Variants in OR5M10 observed in about 807,000 individuals in gnomAD.
The protein encoded by OR5M10 is olfactory receptor family 5 subfamily M member 10, also known as olfactory receptor 5M10.
For missense variants in OR5M10, 387 were observed against 376.4 expected, an observed-to-expected ratio of 1.03 and a Z score of -0.23; for synonymous variants, 149 against 144.8, an observed-to-expected ratio of 1.03 and a Z score of -0.21.
In OR5M10 at chr11:56,577,304, T is replaced by C. The variant is rs770805935; in HGVS notation, c.418A>G (p.Ile140Val). The change falls in exon 1 of 1, where the codon ATT (isoleucine) becomes GTT (valine). Residue 140 changes from isoleucine (I) to valine (V), a missense_variant. By Grantham distance (29) the Ile-to-Val change is conservative (BLOSUM62 3). Coordinates refer to ENST00000526538, the MANE Select transcript of OR5M10 (RefSeq NM_001004741.1). ...LHYSSRMSKN[I>V]CISLVTVPYM... is the part of the protein sequence containing the mutation. ...GGCACAGTGACCAGAGAGATGCAAA[T>C]GTTCTTGGACATCCTGGAACTGTAA... 2.4e-5 allele frequency: 39 copies of C among 1,613,682 alleles called. No homozygotes were observed. Among genetic ancestry groups the C allele is most frequent in the Non-Finnish European group, 3.1e-5 (37 of 1,179,876 alleles).
rs200756330 is a variant in OR5M10 at position 56,577,450 on chromosome 11, G to T, written c.272C>A (p.Thr91Asn). 5.4e-4 allele frequency: 864 copies of T among 1,613,794 alleles called. 6 individuals carry two copies. The South Asian group carries it at 7.9e-3, about 15-fold the overall frequency. The change falls in exon 1 of 1, where the codon ACC becomes AAC. Residue 91 changes from threonine to asparagine, a missense_variant. By Grantham distance (65) the Thr-to-Asn change is moderately conservative. Coordinates refer to ENST00000526538, the MANE Select transcript of OR5M10 (RefSeq NM_001004741.1). ...MLHNFLSEQK[T>N]ISYAGCFTQC... ...TGTGAAGCATCCAGCGTAGGAGATG[G>T]TCTTCTGTTCTGAGAGGAAATTGTG...
In OR5M10 at chr11:56,576,879, C is replaced by T. The variant is rs1565171371; in HGVS notation, c.843G>A (p.Leu281=). ...SKIIAVFYTF[L]SPMLNPLIYS... The stretch of plus-strand genomic sequence containing the variant: ...AGATCAATGGGTTCAGCATTGGGCT[C>T]AAAAAAGTATAAAAGACTGCAATTA... Residue 281 remains leucine, a synonymous_variant, in exon 1 of 1, where the codon TTG becomes TTA. Transcript: ENST00000526538. 6.2e-7 allele frequency: 1 copy of T among 1,613,774 alleles called. No homozygotes were observed. The highest frequency in any genetic ancestry group is 8.5e-7 in the Non-Finnish European group (1 of 1,179,880).
In OR5M10 at chr11:56,577,323, A is replaced by T. The variant is rs1418178298; in HGVS notation, c.399T>A (p.Ser133Arg). The T allele has an allele frequency of 1.2e-6, 2 of 1,613,750 alleles. No homozygotes were observed. Among genetic ancestry groups the T allele is most frequent in the Non-Finnish European group, 1.7e-6 (2 of 1,179,882 alleles). The stretch of plus-strand genomic sequence containing the variant: ...TGCAAATGTTCTTGGACATCCTGGA[A>T]CTGTAATGTAAAGGGCTGCAAATGG... ...YVAICSPLHY[S>R]SRMSKNICIS... The change falls in exon 1 of 1, where the codon AGT (serine) becomes AGA (arginine). Residue 133 changes from serine to arginine, a missense_variant. Transcript: ENST00000526538.
rs1414043331 is a variant in OR5M10, at chr11:56,577,463, A to C, written c.259T>G (p.Ser87Ala). 6.2e-7 allele frequency: 1 copy of C among 1,613,748 alleles called. No homozygotes were observed. The highest frequency in any genetic ancestry group is 8.5e-7 in the Non-Finnish European group (1 of 1,179,770). ...VTPNMLHNFL[S>A]EQKTISYAGC... Reference sequence around the variant, plus strand: ...GCGTAGGAGATGGTCTTCTGTTCTGAGAGGAAATTGTGCAGCATATTTGGA... The same window carrying C: ...GCGTAGGAGATGGTCTTCTGTTCTGCGAGGAAATTGTGCAGCATATTTGGA... Residue 87 changes from serine (S) to alanine (A), a missense_variant, in exon 1 of 1, where the codon TCA becomes GCA. Transcript: ENST00000526538.
chr11:56,577,656 C>A lies in OR5M10; in HGVS notation c.66G>T (p.Val22=), dbSNP rs1456772221. ...ACACCCCAAACAGGATCTTCTCTAG[C>A]ACTGGGTCGTCTGTCAGTCCTAAGA... is the stretch of plus-strand genomic sequence containing the variant. ...FILLGLTDDP[V]LEKILFGVFL... is the part of the protein sequence containing the mutation. Residue 22 remains valine (V), a synonymous_variant, in exon 1 of 1, where the codon GTG becomes GTT. Transcript: ENST00000526538. 6.2e-7 allele frequency: 1 copy of A among 1,613,654 alleles called. No individual in the cohort carries two copies.
chr11:56,577,660 G>C lies in OR5M10; in HGVS notation c.62C>G (p.Pro21Arg), dbSNP rs745969027. The C allele has an allele frequency of 7.4e-6, 12 of 1,613,648 alleles. No individual in the cohort carries two copies. Among genetic ancestry groups the C allele is most frequent in the Non-Finnish European group, 1.0e-5 (12 of 1,179,702 alleles). ...EFILLGLTDD[P>R]VLEKILFGVF... ...CCCAAACAGGATCTTCTCTAGCACT[G>C]GGTCGTCTGTCAGTCCTAAGAGAAT... Residue 21 changes from proline (P) to arginine (R), a missense_variant, in exon 1 of 1, where the codon CCA becomes CGA. Pro to Arg is a moderately radical substitution (Grantham distance 103). Coordinates refer to ENST00000526538, the MANE Select transcript of OR5M10 (RefSeq NM_001004741.1).
At position 56,577,351 on chromosome 11, in the gene OR5M10, A is replaced by C. The variant is rs986344158; in HGVS notation, c.371T>G (p.Val124Gly). Residue 124 changes from valine to glycine, a missense_variant, in exon 1 of 1, where the codon GTA becomes GGA. Val to Gly is a moderately radical substitution (Grantham distance 109). Transcript: ENST00000526538. ...GTAATGTAAAGGGCTGCAAATGGCT[A>C]CATAGCGATCCAATGCCATTGAAGC... ...FLASMALDRY[V>G]AICSPLHYSS... 1 of 1,613,310 alleles carries C rather than the reference A, an allele frequency of 6.2e-7. No homozygotes were observed. The highest frequency in any genetic ancestry group is 1.3e-5 in the African/African-American group (1 of 74,834).
Position 56,577,571 on chromosome 11 carries a change from T to G in OR5M10, c.151A>C (p.Thr51Pro). The G allele has an allele frequency of 6.2e-7, 1 of 1,613,678 alleles. No individual in the cohort carries two copies. The highest frequency in any genetic ancestry group is 8.5e-7 in the Non-Finnish European group (1 of 1,179,726). ...GNLCMILLIR[T>P]NSQLQTPMYF... ...ATGGGTGTTTGCAGTTGGGAATTGG[T>G]CCTGATCAGCAGGATCATGCACAGG... Residue 51 changes from threonine (T) to proline (P), a missense_variant, in exon 1 of 1, where the codon ACC (threonine) becomes CCC (proline). Physicochemically the swap from Thr to Pro is conservative, Grantham distance 38. Coordinates refer to ENST00000526538, the MANE Select transcript of OR5M10 (RefSeq NM_001004741.1).
chr11:56,576,820 A>G lies in OR5M10; in HGVS notation c.902T>C (p.Ile301Thr). The change falls in exon 1 of 1, where the codon ATA becomes ACA. Residue 301 changes from isoleucine to threonine, a missense_variant. Ile to Thr is a moderately conservative substitution (Grantham distance 89). Transcript: ENST00000526538. ...GGATTTTCCCCTAATCATTTGTTGT[A>G]TGGCAAGGATTACATCTCTGTTCCG... ...SLRNRDVILA[I>T]QQMIRGKSFC... The G allele has an allele frequency of 6.2e-7, 1 of 1,612,930 alleles. No homozygotes were observed. The highest frequency in any genetic ancestry group is 8.5e-7 in the Non-Finnish European group (1 of 1,179,644).
chr11:56,577,530 A>G lies in OR5M10; in HGVS notation c.192T>C (p.Gly64=), dbSNP rs145553253. 122 of 1,613,666 alleles carry G rather than the reference A, an allele frequency of 7.6e-5. No individual in the cohort carries two copies. Among genetic ancestry groups the G allele is most frequent in the African/African-American group, 4.5e-4 (34 of 74,924 alleles). Residue 64 remains glycine (G), a synonymous_variant, in exon 1 of 1, where the codon GGT becomes GGC. Transcript: ENST00000526538. ...QLQTPMYFFL[G]HLSFVDICYS... ...AGCAAATGTCTACAAAGGAGAGGTGACCAAGGAAGAAATACATGGGTGTTT... is the reference window on the plus strand; with the variant it reads ...AGCAAATGTCTACAAAGGAGAGGTGGCCAAGGAAGAAATACATGGGTGTTT...
rs1220819318 is a variant in OR5M10 at position 56,577,634 on chromosome 11, C to A, written c.88G>T (p.Val30Leu). ...DPVLEKILFG[V>L]FLAIYLITLA... ...GTGATTAGGTAGATCGCCAGGAACA[C>A]CCCAAACAGGATCTTCTCTAGCACT... Residue 30 changes from valine to leucine, a missense_variant, in exon 1 of 1, where the codon GTG becomes TTG. Transcript: ENST00000526538. The A allele has an allele frequency of 1.9e-6, 3 of 1,613,484 alleles. No individual in the cohort carries two copies. Among genetic ancestry groups the A allele is most frequent in the Non-Finnish European group, 2.5e-6 (3 of 1,179,710 alleles).
Position 56,577,362 on chromosome 11 carries a change from C to T in OR5M10, c.360G>A (p.Leu120=). ...GGCTGCAAATGGCTACATAGCGATCCAATGCCATTGAAGCAAGGAAGTAAA... is the reference window on the plus strand; with the variant it reads ...GGCTGCAAATGGCTACATAGCGATCTAATGCCATTGAAGCAAGGAAGTAAA... The part of the protein sequence containing the change: ...TEFYFLASMA[L]DRYVAICSPL... The change falls in exon 1 of 1, where the codon TTG becomes TTA. Residue 120 remains leucine, a synonymous_variant. Transcript: ENST00000526538. 1 of 1,612,830 alleles carries T rather than the reference C, an allele frequency of 6.2e-7. No homozygotes were observed. Among genetic ancestry groups the T allele is most frequent in the Non-Finnish European group, 8.5e-7 (1 of 1,179,274 alleles).
chr11:56,577,642 A>C lies in OR5M10; in HGVS notation c.80T>G (p.Leu27Arg), dbSNP rs892385439. The change falls in exon 1 of 1, where the codon CTG becomes CGG. Residue 27 changes from leucine (L) to arginine (R), a missense_variant. By Grantham distance (102) the Leu-to-Arg change is moderately radical (BLOSUM62 -2). Coordinates refer to ENST00000526538, the MANE Select transcript of OR5M10 (RefSeq NM_001004741.1). ...LTDDPVLEKI[L>R]FGVFLAIYLI... Reference sequence around the variant, plus strand: ...GTAGATCGCCAGGAACACCCCAAACAGGATCTTCTCTAGCACTGGGTCGTC... The same window carrying C: ...GTAGATCGCCAGGAACACCCCAAACCGGATCTTCTCTAGCACTGGGTCGTC... 1 of 1,613,678 alleles carries C rather than the reference A, an allele frequency of 6.2e-7. No individual in the cohort carries two copies. The highest frequency in any genetic ancestry group is 1.7e-4 in the Middle Eastern group (1 of 6,056).
In OR5M10 at chr11:56,577,275, G is replaced by C. The variant is rs201909957; in HGVS notation, c.447C>G (p.Tyr149Ter). The stretch of plus-strand genomic sequence containing the variant: ...AGAGCCCATTAAGGAAGCCATACAT[G>C]TAAGGCACAGTGACCAGAGAGATGC... Reference protein sequence around the residue: ...NICISLVTVPYMYGFLNGLSQ... With the variant: ...NICISLVTVP Residue 149 changes from tyrosine (Y) to a stop codon, truncating the protein, a stop_gained, in exon 1 of 1, where the codon TAC becomes TAG. Transcript: ENST00000526538. LOFTEE classifies it low-confidence loss of function (END_TRUNC). 1.2e-5 allele frequency: 20 copies of C among 1,613,770 alleles called. No individual in the cohort carries two copies. The highest frequency in any genetic ancestry group is 1.7e-5 in the Non-Finnish European group (20 of 1,179,886).
chr11:56,577,643 G>A lies in OR5M10; in HGVS notation c.79C>T (p.Leu27=), dbSNP rs1853274221. ...LTDDPVLEKI[L]FGVFLAIYLI... The stretch of plus-strand genomic sequence containing the variant: ...TAGATCGCCAGGAACACCCCAAACA[G>A]GATCTTCTCTAGCACTGGGTCGTCT... The change falls in exon 1 of 1, where the codon CTG becomes TTG. Residue 27 remains leucine (L), a synonymous_variant. Transcript: ENST00000526538. The A allele has an allele frequency of 1.2e-6, 2 of 1,613,518 alleles. No homozygotes were observed. The highest frequency in any genetic ancestry group is 1.7e-6 in the Non-Finnish European group (2 of 1,179,724).
chr11:56,577,145 G>T lies in OR5M10; in HGVS notation c.577C>A (p.Arg193Ser). The change falls in exon 1 of 1, where the codon CGT (arginine) becomes AGT (serine). Residue 193 changes from arginine (R) to serine (S), a missense_variant. Arg to Ser is a moderately radical substitution (Grantham distance 110). Coordinates refer to ENST00000526538, the MANE Select transcript of OR5M10 (RefSeq NM_001004741.1). The stretch of plus-strand genomic sequence containing the variant: ...ACAAACATTGCCATCTTTTTGACAC[G>T]GGTGTCAGAGCAGGCCAGCATGATA... ...PLIMLACSDT[R>S]VKKMAMFVVA... The T allele has an allele frequency of 6.2e-7, 1 of 1,613,758 alleles. No individual in the cohort carries two copies. Among genetic ancestry groups the T allele is most frequent in the Non-Finnish European group, 8.5e-7 (1 of 1,179,830 alleles).
At position 56,577,287 on chromosome 11, in the gene OR5M10, G is replaced by A. The variant is rs751618264; in HGVS notation, c.435C>T (p.Val145=). 3.1e-6 allele frequency: 5 copies of A among 1,613,900 alleles called. No homozygotes were observed. Among genetic ancestry groups the A allele is most frequent in the Non-Finnish European group, 4.2e-6 (5 of 1,179,900 alleles). The change falls in exon 1 of 1, where the codon GTC becomes GTT. Residue 145 remains valine (V), a synonymous_variant. Coordinates refer to ENST00000526538, the MANE Select transcript of OR5M10 (RefSeq NM_001004741.1). The part of the protein sequence containing the change: ...RMSKNICISL[V]TVPYMYGFLN... ...GGAAGCCATACATGTAAGGCACAGT[G>A]ACCAGAGAGATGCAAATGTTCTTGG...
rs774465317 is a variant in OR5M10, at chr11:56,577,036, C to T, written c.686G>A (p.Arg229His). Residue 229 changes from arginine (R) to histidine (H), a missense_variant, in exon 1 of 1, where the codon CGT (arginine) becomes CAT (histidine). By Grantham distance (29) the Arg-to-His change is conservative (BLOSUM62 0). Transcript: ENST00000526538. Reference sequence around the variant, plus strand: ...GGCTTTGTGCCTGCCTTCAGCAGAACGGATCCTGAAGATCGCTGCAAAAAT... The same window carrying T: ...GGCTTTGTGCCTGCCTTCAGCAGAATGGATCCTGAAGATCGCTGCAAAAAT... ...LFIFAAIFRI[R>H]SAEGRHKAFS... 7 of 1,613,812 alleles carry T rather than the reference C, an allele frequency of 4.3e-6. No individual in the cohort carries two copies. The highest frequency in any genetic ancestry group is 1.7e-5 in the Admixed American group (1 of 59,996).
In OR5M10 at chr11:56,577,302, A is replaced by C; in HGVS notation, c.420T>G (p.Ile140Met). Reference sequence around the variant, plus strand: ...AAGGCACAGTGACCAGAGAGATGCAAATGTTCTTGGACATCCTGGAACTGT... The same window carrying C: ...AAGGCACAGTGACCAGAGAGATGCACATGTTCTTGGACATCCTGGAACTGT... The part of the protein sequence containing the change: ...LHYSSRMSKN[I>M]CISLVTVPYM... The change falls in exon 1 of 1, where the codon ATT becomes ATG. Residue 140 changes from isoleucine to methionine, a missense_variant. Ile to Met is a conservative substitution (Grantham distance 10). Transcript: ENST00000526538. The C allele has an allele frequency of 6.2e-7, 1 of 1,613,910 alleles. No individual in the cohort carries two copies.
Sources: gnomAD v4.1 joint callset for allele counts on GRCh38, gnomAD v4.1.1 for gene constraint, MANE v1.5 for transcripts, NCBI Gene and HGNC (gene_info 2026-07-23, HGNC 2026-07-21) for gene names.